Variants in KIAA0825 observed in about 807,000 individuals in gnomAD.
KIAA0825 encodes the protein KIAA0825, also known as uncharacterized protein KIAA0825.
KIAA0825 carries 119 observed loss-of-function variants against 147.6 expected under a neutral mutation model. The ratio of observed to expected loss-of-function variants is 0.81; its 90% CI spans 0.69 to 0.94. The LOEUF (loss-of-function observed/expected upper bound fraction) is 0.94, where lower values mean the gene tolerates loss of function less well. Ranked by LOEUF, KIAA0825 falls within the 40% of genes least tolerant of loss-of-function variation. KIAA0825 has a pLI of 0.00. For synonymous variants in KIAA0825, 470 were observed against 518.1 expected (o/e 0.91, Z 1.26); for missense variants, 1,381 against 1,472.7 (o/e 0.94, Z 1.02).
intron 2 of KIAA0825, among the ~76,000 whole-genome samples, chr5:94,564,859 T>C (rs960642653): frequency 6.6e-6 from 1 of 152,148 alleles, no homozygotes; most frequent in African/African-American, 2.4e-5. Flanking sequence ...TCTGGATTAG[T>C]GCAGCAGTTT....
intron 13 of KIAA0825, among the ~76,000 whole-genome samples, chr5:94,448,534 A>C (rs1758004625): frequency 6.6e-6 from 1 of 152,148 alleles, no homozygotes. Flanking sequence ...TTCTGAAACA[A>C]TGTGCAGGTA....
At chr5:94,511,199 G>A (rs1247168689) in intron 5 of KIAA0825, among the ~76,000 whole-genome samples, 2 of 152,164 alleles carry the variant, frequency 1.3e-5, no homozygotes, top group Non-Finnish European at 2.9e-5. Context: ...TCTTGAACTT[G>A]TCGGCCTCCA....
At chr5:94,549,891 T>TA (rs1236821957) in intron 2 of KIAA0825, among the ~76,000 whole-genome samples, 18 of 151,722 alleles carry the variant, frequency 1.2e-4, no homozygotes, top group Admixed American at 1.2e-3. Context: ...TCAAAATTAG[T>TA]ATAAAAAAAG....
intron 20 of KIAA0825, among the ~76,000 whole-genome samples, chr5:94,377,034 C>T (rs1372826589): frequency 6.6e-6 from 1 of 152,188 alleles, no homozygotes; most frequent in African/African-American, 2.4e-5. Context: ...CTACACACCA[C>T]AGGGCACACA....
intron 12 of KIAA0825, among the ~76,000 whole-genome samples, chr5:94,458,041 A>T (rs1252534806): frequency 6.6e-6 from 1 of 152,180 alleles, no homozygotes; most frequent in Admixed American, 6.5e-5. Flanking sequence ...GATAGCCCTG[A>T]AAAGCTTGAG....
intron 1 of KIAA0825, chr5:94,593,134 A>G: frequency 5.4e-6 from 4 of 746,368 alleles, no homozygotes; most frequent in Non-Finnish European, 1.0e-5. Context: ...TGTGTTATAC[A>G]TCACACAACA....
chr5:94,364,278 T>A (rs1326951496), intron 20 of KIAA0825, among the ~76,000 whole-genome samples: 3 of 149,430 alleles, frequency 2.0e-5, no homozygotes, highest in Non-Finnish European at 3.0e-5. Context: ...ACGGGCAGAG[T>A]AGGGGGTGAT....
At chr5:94,447,162 G>A (rs1202145685) in intron 13 of KIAA0825, among the ~76,000 whole-genome samples, 1 of 151,980 alleles carries the variant, frequency 6.6e-6, no homozygotes, top group Non-Finnish European at 1.5e-5. Context: ...ATTTCCAGGT[G>A]TAAATTTCAA....
chr5:94,601,888 G>T (rs553578126), intron 1 of KIAA0825, among the ~76,000 whole-genome samples: 26 of 152,248 alleles, frequency 1.7e-4, no homozygotes, highest in Non-Finnish European at 3.2e-4. Flanking sequence ...GAAATATGGG[G>T]TTACGTAAAA....
At chr5:94,395,435 T>G (rs1750512061) in intron 17 of KIAA0825, among the ~76,000 whole-genome samples, 1 of 152,154 alleles carries the variant, frequency 6.6e-6, no homozygotes, top group African/African-American at 2.4e-5. Context: ...ACCATGCAAT[T>G]CTATACCTGA....
intron 20 of KIAA0825, among the ~76,000 whole-genome samples, chr5:94,278,641 G>T (rs1026548025): frequency 3.9e-5 from 6 of 152,044 alleles, no homozygotes; most frequent in Admixed American, 1.3e-4. Flanking sequence ...TAGCACTGTG[G>T]GCACAGGAAA....
chr5:94,573,280 T>TTC, intron 2 of KIAA0825, among the ~76,000 whole-genome samples: 1 of 150,140 alleles, frequency 6.7e-6, no homozygotes, highest in South Asian at 2.1e-4. Flanking sequence ...GTTTTTTTTT[T>TTC]TTTTTTTTGA....
At chr5:94,428,531 G>T (rs1217718356) in intron 14 of KIAA0825, among the ~76,000 whole-genome samples, 3 of 152,142 alleles carry the variant, frequency 2.0e-5, no homozygotes, top group Admixed American at 1.3e-4. Flanking sequence ...ATATGAAATT[G>T]TTGGTTGGAA....
chr5:94,439,607 CTCTG>C (rs941089028), intron 14 of KIAA0825, among the ~76,000 whole-genome samples: 7 of 152,140 alleles, frequency 4.6e-5, no homozygotes, highest in Non-Finnish European at 1.0e-4. Context: ...AATACTCTGT[CTCTG>C]TCTGTCTCTG....
chr5:94,576,642 A>C (rs1026557535), intron 2 of KIAA0825, among the ~76,000 whole-genome samples: 1 of 152,182 alleles, frequency 6.6e-6, no homozygotes, highest in Non-Finnish European at 1.5e-5. Context: ...TTTTCTTTAT[A>C]AATTGTCCAG....
chr5:94,538,849 C>T (rs1356079263), intron 2 of KIAA0825, among the ~76,000 whole-genome samples: 1 of 152,166 alleles, frequency 6.6e-6, no homozygotes, highest in African/African-American at 2.4e-5. Flanking sequence ...GATTTGTGAA[C>T]AGAAGCAAGC....
chr5:94,405,591 G>C (rs554905025), intron 15 of KIAA0825, among the ~76,000 whole-genome samples: 17 of 152,234 alleles, frequency 1.1e-4, no homozygotes, highest in African/African-American at 4.1e-4. Flanking sequence ...TAGAAAATTA[G>C]TTTCTTTGAT....
intron 13 of KIAA0825, among the ~76,000 whole-genome samples, chr5:94,442,090 T>C (rs1173172779): frequency 6.6e-6 from 1 of 152,200 alleles, no homozygotes; most frequent in Non-Finnish European, 1.5e-5. Context: ...TTGATTTTTC[T>C]GCTCATAAAT....
At chr5:94,288,721 T>C (rs1263876036) in intron 20 of KIAA0825, among the ~76,000 whole-genome samples, 3 of 152,182 alleles carry the variant, frequency 2.0e-5, no homozygotes, top group South Asian at 4.1e-4. Flanking sequence ...ATGGAAACTT[T>C]TGTAAAAACA....
Sources: gnomAD v4.1 joint callset for allele counts (sites outside exome capture counted in the v4.1 genomes callset) on GRCh38, gnomAD v4.1.1 for gene constraint, MANE v1.5 for transcripts, NCBI Gene and HGNC (gene_info 2026-07-23, HGNC 2026-07-21) for gene names.